Variants in IRF2 observed in about 807,000 individuals in gnomAD.
IRF2 encodes the protein interferon regulatory factor 2.
Under a neutral mutation model 40.6 loss-of-function variants are expected in IRF2, and 15 were observed. That is an observed-to-expected ratio of 0.37 (90% CI 0.25 to 0.57). The LOEUF is 0.57. Ranked by LOEUF, IRF2 falls within the 20% of genes least tolerant of loss-of-function variation. The pLI, the probability that IRF2 is intolerant of heterozygous loss-of-function variation, is 0.77. For missense variants in IRF2, 317 were observed against 455.7 expected (o/e 0.70, Z 2.77); for synonymous variants, 151 against 165.5 (o/e 0.91, Z 0.67).
rs186513236 is a variant in IRF2, at chr4:184,421,872, G to A, written c.88-2304C>T. On this transcript the variant is annotated intron_variant, in intron 2 of 8. Transcript: ENST00000393593. ...GCCTGAGTAGACTGGAATAGTTCAG[G>A]TGTTTGTCCCCTCAAAATCTCGTGT... 2.6e-5 allele frequency among the ~76,000 whole-genome samples: 4 copies of A among 152,290 alleles called. No individual in the cohort carries two copies. The East Asian group carries it at 7.7e-4, about 29-fold the overall frequency.
chr4:184,434,490 C>T (rs1447729312), intron 1 of IRF2, among the ~76,000 whole-genome samples: 1 of 152,040 alleles, frequency 6.6e-6, no homozygotes, highest in Non-Finnish European at 1.5e-5. Flanking sequence ...TTCTGCAAAC[C>T]TAATATATGA....
At chr4:184,467,168 T>A (rs1739356242) in intron 1 of IRF2, among the ~76,000 whole-genome samples, 1 of 152,204 alleles carries the variant, frequency 6.6e-6, no homozygotes, top group Admixed American at 6.5e-5. Context: ...CAGTCAGCAG[T>A]GGAGGGTCCT....
chr4:184,436,987 G>C (rs1208886877), intron 1 of IRF2, among the ~76,000 whole-genome samples: 1 of 152,144 alleles, frequency 6.6e-6, no homozygotes, highest in Non-Finnish European at 1.5e-5. Flanking sequence ...CTGGGTTCAA[G>C]AGAGCCTCTC....
chr4:184,466,092 C>T (rs545963629), intron 1 of IRF2, among the ~76,000 whole-genome samples: 3 of 149,734 alleles, frequency 2.0e-5, no homozygotes, highest in Non-Finnish European at 4.4e-5. Flanking sequence ...TGAAGTCTCA[C>T]GCTTGTCACC....
At chr4:184,437,212 C>A (rs181262931) in intron 1 of IRF2, among the ~76,000 whole-genome samples, 3 of 152,176 alleles carry the variant, frequency 2.0e-5, no homozygotes, top group African/African-American at 7.2e-5. Context: ...TGCGCCACCA[C>A]GCCCAGCTAA....
At chr4:184,430,384 C>T (rs187579900) in intron 1 of IRF2, among the ~76,000 whole-genome samples, 1 of 152,276 alleles carries the variant, frequency 6.6e-6, no homozygotes, top group East Asian at 1.9e-4. Flanking sequence ...CAGACACCTC[C>T]TGCTCCGTGC....
chr4:184,407,258 A>G (rs1183764467), intron 6 of IRF2: 3 of 1,269,374 alleles, frequency 2.4e-6, no homozygotes, highest in Admixed American at 2.7e-5. Context: ...AACAGAAGTC[A>G]CCATACACAC....
At chr4:184,414,725 A>T (rs1347909709) in intron 5 of IRF2, among the ~76,000 whole-genome samples, 1 of 152,230 alleles carries the variant, frequency 6.6e-6, no homozygotes, top group East Asian at 1.9e-4. Flanking sequence ...ATGGAGATAA[A>T]TCATGAGTGA....
chr4:184,410,987 C>T (rs538087113), intron 5 of IRF2, among the ~76,000 whole-genome samples: 1 of 152,066 alleles, frequency 6.6e-6, no homozygotes, highest in Non-Finnish European at 1.5e-5. Flanking sequence ...TCTTAAGAAG[C>T]CCTTGTATCC....
chr4:184,420,697 G>A (rs1221159344), intron 2 of IRF2, among the ~76,000 whole-genome samples: 9 of 152,248 alleles, frequency 5.9e-5, no homozygotes, highest in East Asian at 5.8e-4. Context: ...TGGCGGTACC[G>A]GCAGGTACTA....
intron 6 of IRF2, among the ~76,000 whole-genome samples, chr4:184,404,874 G>A (rs145063805): frequency 1.1e-4 from 16 of 152,314 alleles, no homozygotes; most frequent in Non-Finnish European, 1.9e-4. Context: ...ACAGGGCAGC[G>A]TGCACCTTGC....
intron 1 of IRF2, among the ~76,000 whole-genome samples, chr4:184,442,904 T>G (rs913719526): frequency 0.028 from 34 of 1,198 alleles, no homozygotes; most frequent in African/African-American, 0.094. Flanking sequence ...GTGGGGGTGG[T>G]GGGGGCAGCG....
At chr4:184,469,485 T>C (rs955265921) in intron 1 of IRF2, among the ~76,000 whole-genome samples, 3 of 152,168 alleles carry the variant, frequency 2.0e-5, no homozygotes, top group African/African-American at 4.8e-5. Context: ...GAGACCAGTC[T>C]GGGCAACATA....
intron 5 of IRF2, among the ~76,000 whole-genome samples, chr4:184,412,662 G>A (rs1212367304): frequency 6.6e-6 from 1 of 152,220 alleles, no homozygotes; most frequent in Admixed American, 6.5e-5. Context: ...GACAACAGAA[G>A]CTCTCGTAAG....
chr4:184,396,900 C>G (rs978244717), intron 7 of IRF2, among the ~76,000 whole-genome samples: 2 of 152,186 alleles, frequency 1.3e-5, no homozygotes, highest in Non-Finnish European at 2.9e-5. Flanking sequence ...CCCAGGAGTT[C>G]TAGACCAACC....
chr4:184,419,739 T>C (rs934594328), intron 2 of IRF2, among the ~76,000 whole-genome samples, 171 bp from the exon 3 acceptor site: 7 of 152,174 alleles, frequency 4.6e-5, no homozygotes, highest in African/African-American at 7.2e-5. Context: ...CCCCGCTGGA[T>C]CCCAAATCTT....
intron 1 of IRF2, among the ~76,000 whole-genome samples, chr4:184,440,428 C>T (rs970425193): frequency 2.0e-5 from 3 of 152,324 alleles, no homozygotes; most frequent in South Asian, 2.1e-4. Context: ...TGGGCAGCAA[C>T]GTTAACATGG....
At chr4:184,444,045 T>A (rs1738410628) in intron 1 of IRF2, among the ~76,000 whole-genome samples, 1 of 152,076 alleles carries the variant, frequency 6.6e-6, no homozygotes, top group African/African-American at 2.4e-5. Flanking sequence ...ACACCCGAGG[T>A]CTGACAGCCA....
chr4:184,462,304 C>G (rs1264696656), intron 1 of IRF2, among the ~76,000 whole-genome samples: 1 of 152,194 alleles, frequency 6.6e-6, no homozygotes, highest in Non-Finnish European at 1.5e-5. Context: ...GCTGCTGGCC[C>G]TGCTAACATG....
Sources: allele counts gnomAD v4.1 joint callset (sites outside exome capture counted in the v4.1 genomes callset), GRCh38; gene constraint gnomAD v4.1.1; transcripts MANE v1.5; gene names NCBI Gene and HGNC (gene_info 2026-07-23, HGNC 2026-07-21).